The following DZIP3 variants were observed in gnomAD, a reference collection of about 807,000 sequenced individuals.
DZIP3 encodes the protein DAZ interacting zinc finger protein 3.
A neutral mutation model predicts 162.0 loss-of-function variants in DZIP3; 118 were observed. That is an observed-to-expected ratio of 0.73 (90% CI 0.63 to 0.85). The LOEUF (loss-of-function observed/expected upper bound fraction) is 0.85. Ranked by LOEUF, DZIP3 falls within the 40% of genes least tolerant of loss-of-function variation. The pLI is 0.00. For synonymous variants in DZIP3, 438 were observed against 458.6 expected, an observed-to-expected ratio of 0.96 and a Z score of 0.57; for missense variants, 1,331 against 1,407.0, an observed-to-expected ratio of 0.95 and a Z score of 0.86.
chr3:108,637,132 T>C (rs371032796), intron 11 of DZIP3, among the ~76,000 whole-genome samples: 1 of 152,042 alleles, frequency 6.6e-6, no homozygotes, highest in Admixed American at 6.6e-5. Flanking sequence ...ACTCAGATGA[T>C]ATCCATTTTA....
chr3:108,631,058 C>CACACACACA lies in DZIP3; in HGVS notation c.696+1882_696+1883insACACACACA, dbSNP rs1941856797. ...ACACACACACACACACACACACACT[C>CACACACACA]TCTCTCTCTCTCTCTCTCTCTCTCT... On this transcript the variant is annotated intron_variant, in intron 8 of 32. Coordinates refer to ENST00000361582, the MANE Select transcript of DZIP3 (RefSeq NM_014648.4). 3.8e-5 allele frequency among the ~76,000 whole-genome samples: 5 copies of CACACACACA among 131,578 alleles called. 1 individual carries two copies. In the South Asian group the frequency reaches 1.4e-3, roughly 37 times the overall value. 86.3% of individuals were successfully genotyped at this position (131,578 alleles called of 152,430 possible). A position where few individuals can be genotyped will look rare whatever the true frequency, so the allele number is the denominator to read the frequency against.
intron 26 of DZIP3, among the ~76,000 whole-genome samples, chr3:108,679,380 A>G (rs74736814): frequency 0.019 from 2,895 of 152,130 alleles, 100 homozygotes; most frequent in African/African-American, 0.067. Flanking sequence ...TATGTCTGAC[A>G]TGTCTTACCC....
chr3:108,599,863 C>T (rs1939906176), intron 1 of DZIP3, among the ~76,000 whole-genome samples: 1 of 152,172 alleles, frequency 6.6e-6, no homozygotes, highest in African/African-American at 2.4e-5. Flanking sequence ...ACACATTGAT[C>T]TCAGACTTCT....
At chr3:108,626,500 GA>G (rs1451348692) in intron 7 of DZIP3, among the ~76,000 whole-genome samples, 1 of 152,164 alleles carries the variant, frequency 6.6e-6, no homozygotes, top group Non-Finnish European at 1.5e-5. Flanking sequence ...TGAGTTTTTG[GA>G]GTATTGGCTA....
At chr3:108,622,599 A>G (rs1043104933) in intron 5 of DZIP3, among the ~76,000 whole-genome samples, 5 of 152,002 alleles carry the variant, frequency 3.3e-5, no homozygotes, top group African/African-American at 1.2e-4. Context: ...CTTGTTTTGT[A>G]CCTGTCCTTC....
chr3:108,669,646 C>T (rs1943846726), intron 21 of DZIP3, 35 bp from the exon 22 acceptor site: 1 of 1,592,230 alleles, frequency 6.3e-7, no homozygotes. Flanking sequence ...GAAATAATTT[C>T]TAACATCTTT....
At chr3:108,682,259 A>G (rs1428135801) in intron 26 of DZIP3, among the ~76,000 whole-genome samples, 1 of 150,882 alleles carries the variant, frequency 6.6e-6, no homozygotes, top group African/African-American at 2.5e-5. Flanking sequence ...TGCTCCAACA[A>G]TCCTACTACT....
rs534406807 is a variant in DZIP3 at position 108,625,988 on chromosome 3, G to T, written c.581+19G>T. 20 of 1,607,750 alleles carry T rather than the reference G, an allele frequency of 1.2e-5. No homozygotes were observed. Among genetic ancestry groups the T allele is most frequent in the Non-Finnish European group, 1.7e-5 (20 of 1,177,170 alleles). ...AAAAGAGGTAAGGATTTTAATTAAC[G>T]GGTAGATGTTGCCTGTGAAGTCTCA... On this transcript the variant is annotated intron_variant, in intron 7 of 32. Transcript: ENST00000361582.
At chr3:108,632,746 C>G (rs771458031) in intron 8 of DZIP3, among the ~76,000 whole-genome samples, 1 of 152,066 alleles carries the variant, frequency 6.6e-6, no homozygotes, top group Non-Finnish European at 1.5e-5. Flanking sequence ...TAAGAAATCC[C>G]GTACTTCTAA....
intron 25 of DZIP3, 60 bp downstream of exon 25, chr3:108,675,933 G>C (rs1944093414): frequency 2.8e-6 from 4 of 1,413,570 alleles, no homozygotes; most frequent in Non-Finnish European, 3.9e-6. Flanking sequence ...TGTAAAGTTA[G>C]AAGACATATT....
chr3:108,683,005 T>A (rs778383371), intron 26 of DZIP3, among the ~76,000 whole-genome samples: 1 of 150,816 alleles, frequency 6.6e-6, no homozygotes, highest in Non-Finnish European at 1.5e-5. Flanking sequence ...TGTAAAAAAT[T>A]TGACACATAT....
At chr3:108,613,167 A>G (rs979787480) in intron 4 of DZIP3, among the ~76,000 whole-genome samples, 1 of 152,130 alleles carries the variant, frequency 6.6e-6, no homozygotes, top group Admixed American at 6.5e-5. Flanking sequence ...GGAATAGTAC[A>G]TGTAGGAAGA....
At chr3:108,692,932 T>C (rs1944752687) in intron 32 of DZIP3, among the ~76,000 whole-genome samples, 1 of 149,606 alleles carries the variant, frequency 6.7e-6, no homozygotes, top group African/African-American at 2.4e-5. Flanking sequence ...TAATATATTA[T>C]TTAATATGAT....
chr3:108,644,405 A>G lies in DZIP3; in HGVS notation c.1383A>G (p.Gln461=), dbSNP rs1319625410. 2 of 1,613,934 alleles carry G rather than the reference A, an allele frequency of 1.2e-6. No individual in the cohort carries two copies. Among genetic ancestry groups the G allele is most frequent in the South Asian group, 1.1e-5 (1 of 91,074 alleles). The change falls in exon 14 of 33, where the codon CAA becomes CAG. Residue 461 remains glutamine, a synonymous_variant. Transcript: ENST00000361582. ...LLYPPNKELP[Q]SKQFDLCLLL... The stretch of plus-strand genomic sequence containing the variant: ...ATCCTCCTAACAAGGAGTTACCGCA[A>G]TCCAAACAGTTTGACTTATGCCTCC...
intron 19 of DZIP3, among the ~76,000 whole-genome samples, chr3:108,658,864 T>C (rs1279845833): frequency 6.6e-6 from 1 of 152,108 alleles, no homozygotes; most frequent in African/African-American, 2.4e-5. Context: ...TATAAACACC[T>C]CTACGCAAAT....
rs552839515 is a variant in DZIP3, at chr3:108,654,057, C to A, written c.2034-88C>A. ...TCTAATGCTGAGCATCTTATGAAAC[C>A]AGTACAATACTAACTTTGGAAGCAA... On this transcript the variant is annotated intron_variant, in intron 18 of 32. Transcript: ENST00000361582. 2.5e-5 allele frequency: 35 copies of A among 1,387,424 alleles called. No individual in the cohort carries two copies. In the East Asian group the frequency reaches 8.0e-4, roughly 32 times the overall value. 85.9% of individuals were successfully genotyped at this position (1,387,424 alleles called of 1,614,324 possible). A position where few individuals can be genotyped will look rare whatever the true frequency, so the allele number is the denominator to read the frequency against.
chr3:108,668,122 T>C (rs546556434), intron 21 of DZIP3, among the ~76,000 whole-genome samples: 16 of 152,214 alleles, frequency 1.1e-4, no homozygotes. Context: ...TTCAATTTGG[T>C]ATGTGCAGTA....
chr3:108,593,159 G>T (rs1022423297), intron 1 of DZIP3, among the ~76,000 whole-genome samples: 1 of 152,158 alleles, frequency 6.6e-6, no homozygotes, highest in Non-Finnish European at 1.5e-5. Context: ...AGTGGATTAT[G>T]TTGCCTTTTT....
intron 12 of DZIP3, 132 bp downstream of exon 12, chr3:108,637,680 T>A: frequency 1.8e-6 from 1 of 549,146 alleles, no homozygotes; most frequent in Non-Finnish European, 3.0e-6. Context: ...AAATCATATT[T>A]AATTGCCATT....
Sources: allele counts gnomAD v4.1 joint callset (sites outside exome capture counted in the v4.1 genomes callset), GRCh38; gene constraint gnomAD v4.1.1; transcripts MANE v1.5; gene names NCBI Gene and HGNC (gene_info 2026-07-23, HGNC 2026-07-21).